GOLIM4: variants seen among roughly 807,000 people sequenced by gnomAD.
GOLIM4 encodes the protein 130 kDa golgi-localized phosphoprotein.
A neutral mutation model predicts 107.4 loss-of-function variants in GOLIM4; 71 were observed. The ratio of observed to expected loss-of-function variants is 0.66; its 90% CI spans 0.55 to 0.81. GOLIM4 has a LOEUF of 0.81. Among genes scored for constraint, GOLIM4 ranks in the 30% least tolerant of loss-of-function variants. GOLIM4 has a pLI of 0.00. For synonymous variants in GOLIM4, 327 were observed against 294.8 expected (o/e 1.11, Z -1.12); for missense variants, 830 against 826.1 (o/e 1.00, Z -0.06).
intron 1 of GOLIM4, among the ~76,000 whole-genome samples, chr3:168,078,469 C>A (rs943546348): frequency 1.3e-5 from 2 of 152,090 alleles, no homozygotes; most frequent in Admixed American, 6.5e-5. Context: ...TTCTTATTCT[C>A]ATCACTGTTC....
In GOLIM4 at chr3:168,054,307, A is replaced by G. The variant is rs111509751; in HGVS notation, c.188-5942T>C. Among the ~76,000 whole-genome samples the G allele has an allele frequency of 1.7e-3, 256 of 152,248 alleles. 1 individual carries two copies. The highest frequency in any genetic ancestry group is 5.8e-3 in the African/African-American group (240 of 41,574). On this transcript the variant is annotated intron_variant, in intron 1 of 15. Transcript: ENST00000470487. The stretch of plus-strand genomic sequence containing the variant: ...GAGTGAAACCCCACAAGGCCCTCAC[A>G]GGGCCTTACCCCATCGTTCATCCTG...
chr3:168,070,639 T>G (rs1234083336), intron 1 of GOLIM4, among the ~76,000 whole-genome samples: 1 of 152,194 alleles, frequency 6.6e-6, no homozygotes, highest in Non-Finnish European at 1.5e-5. Context: ...ATAATACAAT[T>G]AATCAATAAT....
At chr3:168,069,813 TAAAG>T (rs1204013429) in intron 1 of GOLIM4, among the ~76,000 whole-genome samples, 3 of 152,226 alleles carry the variant, frequency 2.0e-5, no homozygotes, top group Non-Finnish European at 4.4e-5. Context: ...TAAATTTCCT[TAAAG>T]GAAATCTTAA....
intron 1 of GOLIM4, among the ~76,000 whole-genome samples, chr3:168,068,691 TAAA>T (rs1181875816): frequency 6.6e-6 from 1 of 151,972 alleles, no homozygotes; most frequent in African/African-American, 2.4e-5. Context: ...ACTTAGATTT[TAAA>T]AAAGAGTTGC....
chr3:168,067,127 C>T (rs1044208507), intron 1 of GOLIM4, among the ~76,000 whole-genome samples: 15 of 152,022 alleles, frequency 9.9e-5, no homozygotes, highest in African/African-American at 3.6e-4. Context: ...ATCTTGAAAA[C>T]ACACTGGGTA....
intron 9 of GOLIM4, among the ~76,000 whole-genome samples, chr3:168,031,301 T>TTA (rs1409227657): frequency 3.3e-5 from 5 of 152,182 alleles, no homozygotes; most frequent in African/African-American, 1.2e-4. Flanking sequence ...ATAATCTATC[T>TTA]TATATTTCAA....
intron 1 of GOLIM4, among the ~76,000 whole-genome samples, chr3:168,075,995 C>T (rs1721066595): frequency 6.6e-6 from 1 of 152,164 alleles, no homozygotes; most frequent in Non-Finnish European, 1.5e-5. Context: ...TATACACACA[C>T]AAACCTCACA....
rs200252166 is a variant in GOLIM4 at position 168,032,716 on chromosome 3, C to T, written c.980G>A (p.Arg327His). The change falls in exon 9 of 16, where the codon CGC (arginine) becomes CAC (histidine). Residue 327 changes from arginine to histidine, a missense_variant. Physicochemically the swap from Arg to His is conservative, Grantham distance 29. Transcript: ENST00000470487. ...PPEPIQQEVE[R>H]REPEEHQVEE... ...CACCTGATGCTCCTCAGGTTCTCTGCGTTCCACTTCTTGTTGGATTGGCTC... is the reference window on the plus strand; with the variant it reads ...CACCTGATGCTCCTCAGGTTCTCTGTGTTCCACTTCTTGTTGGATTGGCTC... 88 of 1,613,978 alleles carry T rather than the reference C, an allele frequency of 5.5e-5. No homozygotes were observed. The highest frequency in any genetic ancestry group is 6.8e-5 in the Non-Finnish European group (80 of 1,180,020).
intron 1 of GOLIM4, among the ~76,000 whole-genome samples, chr3:168,060,309 A>G (rs934263418): frequency 2.0e-5 from 3 of 152,166 alleles, no homozygotes; most frequent in Admixed American, 6.5e-5. Flanking sequence ...ACAAGATGCA[A>G]GCAGGGAAAC....
At chr3:168,090,448 G>A (rs1721852235) in intron 1 of GOLIM4, among the ~76,000 whole-genome samples, 1 of 152,154 alleles carries the variant, frequency 6.6e-6, no homozygotes, top group African/African-American at 2.4e-5. Flanking sequence ...TGAGAGAAAT[G>A]CAAGTTAAAA....
chr3:168,051,490 C>T (rs1021955833), intron 1 of GOLIM4, among the ~76,000 whole-genome samples: 5 of 152,072 alleles, frequency 3.3e-5, no homozygotes, highest in Non-Finnish European at 7.4e-5. Flanking sequence ...GAAAGGCAAG[C>T]GTGTTTGCGA....
chr3:168,040,713 T>TA, intron 7 of GOLIM4, 73 bp downstream of exon 7: 1 of 914,248 alleles, frequency 1.1e-6, no homozygotes, highest in Non-Finnish European at 1.8e-6. Flanking sequence ...TGTAAGAGAC[T>TA]ACATGCATAA....
chr3:168,046,572 C>T (rs960670866), intron 3 of GOLIM4, among the ~76,000 whole-genome samples: 1 of 152,146 alleles, frequency 6.6e-6, no homozygotes, highest in Non-Finnish European at 1.5e-5. Context: ...TCACCCATTC[C>T]ACAAATGTTC....
intron 1 of GOLIM4, among the ~76,000 whole-genome samples, chr3:168,086,826 G>A (rs917038765): frequency 2.6e-5 from 4 of 152,096 alleles, no homozygotes; most frequent in Non-Finnish European, 4.4e-5. Context: ...ATACCATTCA[G>A]AAATACACAG....
Position 168,086,895 on chromosome 3 carries a change from A to T in GOLIM4, c.187+8204T>A, listed in dbSNP as rs77475085. ...CACAGAGAAGAGGGTCCTAGTCTAC[A>T]GAGACAGCACAGAGCAGTGAAGGGG... is the stretch of plus-strand genomic sequence containing the variant. On this transcript the variant is annotated intron_variant, in intron 1 of 15. Coordinates refer to ENST00000470487, the MANE Select transcript of GOLIM4 (RefSeq NM_014498.5). Among the ~76,000 whole-genome samples, 1,401 of 152,322 alleles carry T rather than the reference A, an allele frequency of 9.2e-3. 30 individuals are homozygous for T. The highest frequency in any genetic ancestry group is 0.032 in the African/African-American group (1,321 of 41,572).
chr3:168,046,679 A>T (rs1719323744), intron 3 of GOLIM4, among the ~76,000 whole-genome samples: 2 of 152,250 alleles, frequency 1.3e-5, no homozygotes, highest in Admixed American at 1.3e-4. Context: ...AGAGACTGCA[A>T]ACAAATAAAT....
rs543415495 is a variant in GOLIM4, at chr3:168,016,752, T to C, written c.1861-5929A>G. ...TTCATGTCCTTTGTAGGGACATGGA[T>C]GAAATTGGAAAACATCATTCTCAGT... On this transcript the variant is annotated intron_variant, in intron 14 of 15. Transcript: ENST00000470487. 2.3e-3 allele frequency among the ~76,000 whole-genome samples: 314 copies of C among 136,536 alleles called. 4 individuals are homozygous for C. The highest frequency in any genetic ancestry group is 8.0e-3 in the Admixed American group (116 of 14,486). 89.6% of individuals were successfully genotyped at this position (136,536 alleles called of 152,430 possible).
At chr3:168,013,157 G>C (rs890319116) in intron 14 of GOLIM4, among the ~76,000 whole-genome samples, 2 of 151,508 alleles carry the variant, frequency 1.3e-5, no homozygotes, top group African/African-American at 2.4e-5. Context: ...CTCACGTGCA[G>C]AGACACACAT....
intron 6 of GOLIM4, chr3:168,041,120 AT>A (rs1718973628): frequency 2.0e-6 from 1 of 508,324 alleles, no homozygotes; most frequent in South Asian, 3.3e-5. Flanking sequence ...CAAATTTCTC[AT>A]TATTAGTAAA....
Sources: gnomAD v4.1 joint callset for allele counts (sites outside exome capture counted in the v4.1 genomes callset) on GRCh38, gnomAD v4.1.1 for gene constraint, MANE v1.5 for transcripts, NCBI Gene and HGNC (gene_info 2026-07-23, HGNC 2026-07-21) for gene names.